ISL2: variants seen among roughly 807,000 people sequenced by gnomAD.
The protein encoded by ISL2 is ISL LIM homeobox 2, also known as insulin gene enhancer protein ISL-2.
In ISL2, 17 loss-of-function variants were observed where a neutral mutation model predicts 34.6. The ratio of observed to expected loss-of-function variants is 0.49; its 90% CI spans 0.34 to 0.74. ISL2 has a LOEUF of 0.74. ISL2 is among the 30% of genes least tolerant of loss of function. The pLI, the probability that ISL2 is intolerant of heterozygous loss-of-function variation, is 0.01. For missense variants in ISL2, 469 were observed against 515.2 expected (o/e 0.91, Z 0.87); for synonymous variants, 232 against 225.5 (o/e 1.03, Z -0.26).
At chr15:76,337,644 C>A in intron 1 of ISL2, 134 bp from the exon 2 acceptor site, 1 of 758,818 alleles carries the variant, frequency 1.3e-6, no homozygotes, top group Non-Finnish European at 2.0e-6. Flanking sequence ...GAGAGCTCAT[C>A]ATCTTTCCTT....
At chr15:76,340,069 G>A (rs2040181821) in intron 3 of ISL2, 2 of 1,395,428 alleles carry the variant, frequency 1.4e-6, no homozygotes, top group African/African-American at 1.5e-5. Flanking sequence ...GGGGCAGTCC[G>A]GCCCGGGAGC....
chr15:76,341,475 G>C (rs1286768230), intron 5 of ISL2, among the ~76,000 whole-genome samples, 174 bp downstream of exon 5: 3 of 152,190 alleles, frequency 2.0e-5, no homozygotes, highest in Admixed American at 2.0e-4. Context: ...GGCCCATTAC[G>C]CGCCCTAAAC....
At chr15:76,340,240 C>G in intron 3 of ISL2, 36 bp from the exon 4 acceptor site, 1 of 1,508,678 alleles carries the variant, frequency 6.6e-7, no homozygotes, top group Non-Finnish European at 8.8e-7. Flanking sequence ...GGGTGGCGGC[C>G]CCTCGCTAAC....
chr15:76,341,103 G>T (rs749841255), intron 4 of ISL2, 31 bp from the exon 5 acceptor site: 2 of 1,524,990 alleles, frequency 1.3e-6, no homozygotes, highest in South Asian at 1.3e-5. Flanking sequence ...GACCTAACTC[G>T]AGCACCTACT....
At chr15:76,338,051 C>T in intron 2 of ISL2, 84 bp downstream of exon 2, 1 of 1,317,686 alleles carries the variant, frequency 7.6e-7, no homozygotes, top group Non-Finnish European at 9.9e-7. Flanking sequence ...CCGCGCGCCC[C>T]GGCCCTGCCC....
intron 2 of ISL2, 79 bp downstream of exon 2, chr15:76,338,046 C>CA: frequency 4.6e-6 from 6 of 1,314,306 alleles, no homozygotes; most frequent in South Asian, 3.6e-5. Context: ...CCTGCCCGCG[C>CA]GCCCCGGCCC....
In ISL2 at chr15:76,341,867, C is replaced by T. The variant is rs368069657; in HGVS notation, c.*32C>T. 9.9e-6 allele frequency: 14 copies of T among 1,409,110 alleles called. No homozygotes were observed. The highest frequency in any genetic ancestry group is 2.8e-5 in the African/African-American group (2 of 70,958). The allele number at this position is 1,409,110 out of a possible 1,614,324, so 87.3% of individuals were successfully genotyped here. ...CCCCTCCCTGCCAGCCCGCGGACCT[C>T]GCATGCTCCCTGCATGAGACTCACC... is the stretch of plus-strand genomic sequence containing the variant. On this transcript the variant is annotated 3_prime_UTR_variant, in exon 6 of 6. Transcript: ENST00000290759.
Position 76,341,973 on chromosome 15 carries a change from A to C in ISL2, c.*138A>C. On this transcript the variant is annotated 3_prime_UTR_variant, in exon 6 of 6. Coordinates refer to ENST00000290759, the MANE Select transcript of ISL2 (RefSeq NM_145805.3). The stretch of plus-strand genomic sequence containing the variant: ...GTTATTTATGAGAGAGTACCGAGAG[A>C]CACGGTCTGGACAGCCCAAGGCGCC... 1 of 673,518 alleles carries C rather than the reference A, an allele frequency of 1.5e-6. No individual in the cohort carries two copies. The highest frequency in any genetic ancestry group is 2.6e-6 in the Non-Finnish European group (1 of 377,504). 41.7% of individuals were successfully genotyped at this position (673,518 alleles called of 1,614,324 possible).
Position 76,336,799 on chromosome 15 carries a change from T to C in ISL2, c.-85T>C, listed in dbSNP as rs1028306618. On this transcript the variant is annotated 5_prime_UTR_variant, in exon 1 of 6. Transcript: ENST00000290759. ...CTTCAACTCCGCGGGGCAGTAGGAGTTAGTTAGCAAAGAGCCGAGGCCGGG... is the reference window on the plus strand; with the variant it reads ...CTTCAACTCCGCGGGGCAGTAGGAGCTAGTTAGCAAAGAGCCGAGGCCGGG... 8.5e-7 allele frequency: 1 copy of C among 1,176,292 alleles called. No homozygotes were observed. Among genetic ancestry groups the C allele is most frequent in the Non-Finnish European group, 1.3e-6 (1 of 783,372 alleles). 72.9% of individuals were successfully genotyped at this position (1,176,292 alleles called of 1,614,324 possible). A position where few individuals can be genotyped will look rare whatever the true frequency, so the allele number is the denominator to read the frequency against.
intron 3 of ISL2, chr15:76,339,843 C>T (rs1387490845): frequency 5.0e-6 from 5 of 1,006,138 alleles, no homozygotes; most frequent in Non-Finnish European, 5.9e-6. Flanking sequence ...CCCTGGGCAG[C>T]GCCTCGCCCT....
At chr15:76,340,178 G>T in intron 3 of ISL2, 98 bp from the exon 4 acceptor site, 1 of 1,426,620 alleles carries the variant, frequency 7.0e-7, no homozygotes, top group Non-Finnish European at 9.2e-7. Flanking sequence ...AAACAGAAAC[G>T]AAATCGGGCC....
Position 76,338,279 on chromosome 15 carries a change from C to T in ISL2, c.276C>T (p.Cys92=). The T allele has an allele frequency of 6.3e-7, 1 of 1,582,460 alleles. No homozygotes were observed. Among genetic ancestry groups the T allele is most frequent in the Non-Finnish European group, 8.5e-7 (1 of 1,169,706 alleles). ...TGTTCGGCATCAAGTGCGCCAAGTG[C>T]CAGGTGGGCTTCAGCAGCAGCGACC... ...VRLFGIKCAK[C]QVGFSSSDLV... Residue 92 remains cysteine, a synonymous_variant, in exon 3 of 6, where the codon TGC becomes TGT. Transcript: ENST00000290759.
chr15:76,338,635 G>A, intron 3 of ISL2, 121 bp downstream of exon 3: 3 of 1,234,376 alleles, frequency 2.4e-6, no homozygotes, highest in Non-Finnish European at 3.0e-6. Flanking sequence ...TGCCGGGATA[G>A]TGTTTTTCTG....
intron 2 of ISL2, 63 bp downstream of exon 2, chr15:76,338,030 T>C (rs1044393035): frequency 1.9e-5 from 26 of 1,362,466 alleles, no homozygotes; most frequent in Non-Finnish European, 2.4e-5. Flanking sequence ...GGACTGGGGA[T>C]GGCGGCCTGC....
At position 76,341,737 on chromosome 15, in the gene ISL2, G is replaced by A. The variant is rs781317589; in HGVS notation, c.982G>A (p.Gly328Ser). 1.9e-6 allele frequency: 3 copies of A among 1,613,796 alleles called. No individual in the cohort carries two copies. Among genetic ancestry groups the A allele is most frequent in the Non-Finnish European group, 2.5e-6 (3 of 1,179,850 alleles). ...GCCCCAGGTCTCCTTCTCCGAGTCC[G>A]GCTCCCTAGGCAACTCCTCCGGCAG... ...FQQLVSFSES[G>S]SLGNSSGSDV... Residue 328 changes from glycine (G) to serine (S), a missense_variant, in exon 6 of 6, where the codon GGC (glycine) becomes AGC (serine). Physicochemically the swap from Gly to Ser is moderately conservative, Grantham distance 56. Around this residue, in one of 3 missense-constraint regions of ISL2, gnomAD observed 169 missense variants for 154.2 expected, o/e 1.10. Transcript: ENST00000290759.
intron 3 of ISL2, chr15:76,339,792 C>A (rs1386263291): frequency 4.0e-6 from 4 of 994,154 alleles, no homozygotes; most frequent in African/African-American, 3.5e-5. Flanking sequence ...AGGGGAAGGG[C>A]CCTCGTAGGC....
chr15:76,337,332 A>G (rs928304409), intron 1 of ISL2: 10 of 331,080 alleles, frequency 3.0e-5, no homozygotes, highest in Non-Finnish European at 4.9e-5. Flanking sequence ...AATGTCTGAG[A>G]GGATGAGCGG....
At chr15:76,337,310 T>C (rs2040158165) in intron 1 of ISL2, 1 of 348,594 alleles carries the variant, frequency 2.9e-6, no homozygotes, top group Admixed American at 4.8e-5. Context: ...CTCTGGGATA[T>C]TTAAACTAAG....
At chr15:76,340,161 C>A in intron 3 of ISL2, 115 bp from the exon 4 acceptor site, 2 of 1,430,276 alleles carry the variant, frequency 1.4e-6, no homozygotes, top group Non-Finnish European at 1.8e-6. Flanking sequence ...ACGAAACAAA[C>A]AGAATAAAAC....
Sources: gnomAD v4.1 joint callset for allele counts (sites outside exome capture counted in the v4.1 genomes callset) on GRCh38, gnomAD v4.1.1 for gene constraint, gnomAD v4.1.1 regional missense constraint, MANE v1.5 for transcripts, NCBI Gene and HGNC (gene_info 2026-07-23, HGNC 2026-07-21) for gene names.